Variants in XRCC2 observed in about 807,000 individuals in gnomAD.
XRCC2 encodes X-ray repair cross complementing 2, also known as DNA repair protein XRCC2.
In XRCC2, 24 loss-of-function variants were observed where a neutral mutation model predicts 27.3. That is an observed-to-expected ratio of 0.88 (90% CI 0.64 to 1.24). The LOEUF (loss-of-function observed/expected upper bound fraction) is 1.24. XRCC2 is among the 50% of genes most tolerant of loss of function. The probability of loss-of-function intolerance (pLI) is 0.00; values close to 1 mark genes in which losing one functional copy is unlikely to be tolerated. For missense variants in XRCC2, 321 were observed against 325.8 expected, an observed-to-expected ratio of 0.99 and a Z score of 0.11; for synonymous variants, 106 against 115.4, an observed-to-expected ratio of 0.92 and a Z score of 0.52.
At chr7:152,653,667 GC>G (rs2098029481) in intron 2 of XRCC2, among the ~76,000 whole-genome samples, 1 of 151,854 alleles carries the variant, frequency 6.6e-6, no homozygotes, top group Non-Finnish European at 1.5e-5. Flanking sequence ...TTGCTGAGTT[GC>G]CCAGGGTGGT....
At chr7:152,657,478 A>G (rs952977808) in intron 2 of XRCC2, among the ~76,000 whole-genome samples, 3 of 151,780 alleles carry the variant, frequency 2.0e-5, no homozygotes, top group Non-Finnish European at 4.4e-5. Flanking sequence ...TTTTGTAGAG[A>G]TGAGGTTTCA....
At chr7:152,670,601 T>C (rs1311516888) in intron 1 of XRCC2, among the ~76,000 whole-genome samples, 5 of 150,334 alleles carry the variant, frequency 3.3e-5, no homozygotes, top group African/African-American at 9.9e-5. Context: ...ACATATTATA[T>C]AGGCTTTTTT....
At chr7:152,658,323 TC>T (rs2098031618) in intron 2 of XRCC2, among the ~76,000 whole-genome samples, 1 of 152,054 alleles carries the variant, frequency 6.6e-6, no homozygotes, top group Admixed American at 6.6e-5. Context: ...GCTAATTTTT[TC>T]TATTTTTAGT....
chr7:152,667,713 A>T (rs3218424), intron 1 of XRCC2, among the ~76,000 whole-genome samples: 9,194 of 152,108 alleles, frequency 0.06, 832 homozygotes, highest in African/African-American at 0.2. Flanking sequence ...AACAATTCAC[A>T]AGCCAAGCAA....
Position 152,654,389 on chromosome 7 carries a change from C to T in XRCC2, c.122-5026G>A, listed in dbSNP as rs537570222. On this transcript the variant is annotated intron_variant, in intron 2 of 2. Coordinates refer to ENST00000359321, the MANE Select transcript of XRCC2 (RefSeq NM_005431.2). The stretch of plus-strand genomic sequence containing the variant: ...CACAGTTAGAAGACGCATTAGAAGA[C>T]AGCTAAAACAGAAATTTAATAGGAA... 2.4e-4 allele frequency among the ~76,000 whole-genome samples: 36 copies of T among 152,034 alleles called. No individual in the cohort carries two copies. The South Asian group carries it at 7.3e-3, about 31-fold the overall frequency.
At chr7:152,660,458 T>C (rs2098032593) in intron 2 of XRCC2, among the ~76,000 whole-genome samples, 1 of 152,148 alleles carries the variant, frequency 6.6e-6, no homozygotes, top group African/African-American at 2.4e-5. Flanking sequence ...TGCATAAATA[T>C]TGTGTGTTGA....
rs983069547 is a variant in XRCC2, at chr7:152,645,320, C to G, written c.*3322G>C. 2.6e-5 allele frequency: 4 copies of G among 151,968 alleles called. No individual in the cohort carries two copies. The highest frequency in any genetic ancestry group is 9.7e-5 in the African/African-American group (4 of 41,380). 9.4% of individuals were successfully genotyped at this position (151,968 alleles called of 1,614,324 possible). ...AGGGTCTTACACTATGTTGCCCAGG[C>G]TGGTCTTGAACTCCTAGGACTCAAG... is the stretch of plus-strand genomic sequence containing the variant. On this transcript the variant is annotated 3_prime_UTR_variant, in exon 3 of 3. Coordinates refer to ENST00000359321, the MANE Select transcript of XRCC2 (RefSeq NM_005431.2).
chr7:152,655,945 C>T (rs986711115), intron 2 of XRCC2, among the ~76,000 whole-genome samples: 1 of 152,116 alleles, frequency 6.6e-6, no homozygotes, highest in African/African-American at 2.4e-5. Context: ...GAGCTGCACT[C>T]CAGCCTGGGT....
chr7:152,659,525 A>G (rs2098032152), intron 2 of XRCC2, among the ~76,000 whole-genome samples: 1 of 152,138 alleles, frequency 6.6e-6, no homozygotes, highest in African/African-American at 2.4e-5. Flanking sequence ...AAGATATACA[A>G]TTTGCCAATA....
intron 1 of XRCC2, among the ~76,000 whole-genome samples, chr7:152,666,082 C>A (rs1472205838): frequency 6.6e-5 from 1 of 15,252 alleles, no homozygotes; most frequent in Non-Finnish European, 1.6e-4. Flanking sequence ...AAAAATACAG[C>A]TTTTTTCATA....
Position 152,676,102 on chromosome 7 carries a change from A to G in XRCC2, c.-23T>C. On this transcript the variant is annotated 5_prime_UTR_variant, in exon 1 of 3. Coordinates refer to ENST00000359321, the MANE Select transcript of XRCC2 (RefSeq NM_005431.2). ...CATCGCCCCGAAGGCTCGGCGCAGG[A>G]GAGACTCAACTTTCCCGCCACCAAC... 1.9e-6 allele frequency: 3 copies of G among 1,613,658 alleles called. No individual in the cohort carries two copies. The highest frequency in any genetic ancestry group is 2.5e-6 in the Non-Finnish European group (3 of 1,179,748).
At chr7:152,658,679 G>A (rs984571415) in intron 2 of XRCC2, among the ~76,000 whole-genome samples, 9 of 145,114 alleles carry the variant, frequency 6.2e-5, no homozygotes, top group African/African-American at 2.3e-4. Context: ...GTGGAATCAA[G>A]CAGTTTGTCT....
At chr7:152,654,269 C>T in intron 2 of XRCC2, among the ~76,000 whole-genome samples, 1 of 149,902 alleles carries the variant, frequency 6.7e-6, no homozygotes, top group South Asian at 2.1e-4. Flanking sequence ...GGGAGTAATC[C>T]ACACAGAAAT....
chr7:152,669,473 A>G (rs767473786), intron 1 of XRCC2, among the ~76,000 whole-genome samples: 1 of 152,068 alleles, frequency 6.6e-6, no homozygotes, highest in Non-Finnish European at 1.5e-5. Flanking sequence ...CAGAGGCACA[A>G]TCTCGGCTCA....
At chr7:152,662,609 G>GGCTGCAC (rs2098033620) in intron 1 of XRCC2, among the ~76,000 whole-genome samples, 1 of 106,792 alleles carries the variant, frequency 9.4e-6, no homozygotes, top group Non-Finnish European at 1.7e-5. Context: ...GTCTCGCTCT[G>GGCTGCAC]TCGCCCAGGC....
intron 1 of XRCC2, among the ~76,000 whole-genome samples, chr7:152,669,458 G>A (rs2117008097): frequency 6.6e-6 from 1 of 152,248 alleles, no homozygotes; most frequent in Non-Finnish European, 1.5e-5. Flanking sequence ...GCCCAGGCTG[G>A]AGTGCAGAGG....
chr7:152,645,145 TC>T lies in XRCC2; in HGVS notation c.*3496del, dbSNP rs1204542284. 7.9e-5 allele frequency: 12 copies of T among 152,120 alleles called. No homozygotes were observed. The highest frequency in any genetic ancestry group is 2.9e-4 in the African/African-American group (12 of 41,466). The allele number at this position is 152,120 out of a possible 1,614,324, so 9.4% of individuals were successfully genotyped here. On this transcript the variant is annotated 3_prime_UTR_variant, in exon 3 of 3. Coordinates refer to ENST00000359321, the MANE Select transcript of XRCC2 (RefSeq NM_005431.2). ...AATGGGAAAAGGGTTAAACTCTGCT[TC>T]TTACAATAAAGCTTTGTAATTTTCT...
intron 1 of XRCC2, among the ~76,000 whole-genome samples, chr7:152,667,594 A>G (rs1372456886): frequency 1.3e-5 from 2 of 149,196 alleles, no homozygotes; most frequent in Non-Finnish European, 3.0e-5. Flanking sequence ...GAGAATATCC[A>G]AAGCAACGTT....
chr7:152,675,757 T>C (rs1426938708), intron 1 of XRCC2, among the ~76,000 whole-genome samples: 1 of 152,180 alleles, frequency 6.6e-6, no homozygotes, highest in Non-Finnish European at 1.5e-5. Flanking sequence ...TCGTATGTTA[T>C]ATCGATCTGG....
Sources: gnomAD v4.1 joint callset for allele counts (sites outside exome capture counted in the v4.1 genomes callset) on GRCh38, gnomAD v4.1.1 for gene constraint, MANE v1.5 for transcripts, NCBI Gene and HGNC (gene_info 2026-07-23, HGNC 2026-07-21) for gene names.